NICN1: variants seen among roughly 807,000 people sequenced by gnomAD.
NICN1 encodes the protein nicolin 1, tubulin polyglutamylase complex subunit.
NICN1 carries 18 observed loss-of-function variants against 26.3 expected under a neutral mutation model. That is an observed-to-expected ratio of 0.68 (90% CI 0.47 to 1.01). The LOEUF is 1.01. Among genes scored for constraint, NICN1 ranks in the 50% least tolerant of loss-of-function variants. The pLI, the probability that NICN1 is intolerant of heterozygous loss-of-function variation, is 0.00. For missense variants in NICN1, 239 were observed against 278.3 expected (o/e 0.86, Z 1.00); for synonymous variants, 109 against 111.0 (o/e 0.98, Z 0.11).
At chr3:49,428,332 T>A (rs1287252650) in intron 1 of NICN1, among the ~76,000 whole-genome samples, 1 of 152,014 alleles carries the variant, frequency 6.6e-6, no homozygotes, top group Non-Finnish European at 1.5e-5. Flanking sequence ...GTCCAGTCAC[T>A]CTATCAACTG....
Position 49,424,819 on chromosome 3 carries a change from C to G in NICN1, c.*14G>C. Reference sequence around the variant, plus strand: ...GGGCACAGAAAGGCCAACATCTTGGCTAGGAGCAACCATTCAAGTGTAGGA... The same window carrying G: ...GGGCACAGAAAGGCCAACATCTTGGGTAGGAGCAACCATTCAAGTGTAGGA... On this transcript the variant is annotated 3_prime_UTR_variant, in exon 6 of 6. Transcript: ENST00000273598. 1 of 1,613,108 alleles carries G rather than the reference C, an allele frequency of 6.2e-7. No homozygotes were observed. The highest frequency in any genetic ancestry group is 8.5e-7 in the Non-Finnish European group (1 of 1,179,182).
intron 3 of NICN1, 112 bp from the exon 4 acceptor site, chr3:49,425,550 A>G: frequency 1.2e-6 from 1 of 858,326 alleles, no homozygotes; most frequent in Non-Finnish European, 1.8e-6. Flanking sequence ...ACACTGGGAA[A>G]ACCCTGTTTA....
At chr3:49,428,667 G>A (rs1292109686) in intron 1 of NICN1, among the ~76,000 whole-genome samples, 7 of 150,370 alleles carry the variant, frequency 4.7e-5, no homozygotes, top group Non-Finnish European at 1.0e-4. Flanking sequence ...GTTGCGGTGA[G>A]CCGAGATCGT....
chr3:49,429,278 G>A lies in NICN1; in HGVS notation c.-39C>T, dbSNP rs1293951275. 10 of 1,559,038 alleles carry A rather than the reference G, an allele frequency of 6.4e-6. No individual in the cohort carries two copies. Among genetic ancestry groups the A allele is most frequent in the Non-Finnish European group, 8.7e-6 (10 of 1,149,286 alleles). On this transcript the variant is annotated 5_prime_UTR_variant, in exon 1 of 6. Transcript: ENST00000273598. ...GCAACTAAGTGCAACCGCCGCTCTA[G>A]GCCCCCGACCACCAGCCCTTCCCGG...
chr3:49,425,784 T>C, intron 3 of NICN1, 99 bp downstream of exon 3: 1 of 639,952 alleles, frequency 1.6e-6, no homozygotes, highest in Non-Finnish European at 2.8e-6. Flanking sequence ...GAAGGCCCCA[T>C]TCACAATCTT....
At position 49,429,019 on chromosome 3, in the gene NICN1, C is replaced by T. The variant is rs1229036670; in HGVS notation, c.132+89G>A. ...GGGCAAGGAAGACGGCAGAGGCTTT[C>T]CCATAAAAGATTAAATGCCTGGGAA... On this transcript the variant is annotated intron_variant, in intron 1 of 5. Coordinates refer to ENST00000273598, the MANE Select transcript of NICN1 (RefSeq NM_032316.3). 5.5e-6 allele frequency: 7 copies of T among 1,278,316 alleles called. No individual in the cohort carries two copies. The South Asian group carries it at 5.7e-5, about 10-fold the overall frequency. 79.2% of individuals were successfully genotyped at this position (1,278,316 alleles called of 1,614,324 possible).
chr3:49,424,612 T>G lies in NICN1; in HGVS notation c.*221A>C, dbSNP rs1430405343. 1.3e-5 allele frequency: 8 copies of G among 606,076 alleles called. No individual in the cohort carries two copies. Among genetic ancestry groups the G allele is most frequent in the Non-Finnish European group, 2.3e-5 (8 of 341,072 alleles). The allele number at this position is 606,076 out of a possible 1,614,324, so 37.5% of individuals were successfully genotyped here. ...GAGTGTTTTTGGGTAGAAGGAAGAA[T>G]TGAGTTGCAGCCAGGCGAAGACAGA... On this transcript the variant is annotated 3_prime_UTR_variant, in exon 6 of 6. Coordinates refer to ENST00000273598, the MANE Select transcript of NICN1 (RefSeq NM_032316.3).
rs2049169419 is a variant in NICN1 at position 49,426,290 on chromosome 3, C to T, written c.271G>A (p.Glu91Lys). 1.2e-6 allele frequency: 2 copies of T among 1,614,236 alleles called. No homozygotes were observed. Among genetic ancestry groups the T allele is most frequent in the East Asian group, 4.5e-5 (2 of 44,890 alleles). Reference protein sequence around the residue: ...YCLMPDPHSEEGAQEYVSLFK... With the variant: ...YCLMPDPHSEKGAQEYVSLFK... ...AGCGATACATACTCCTGGGCTCCCT[C>T]CTCACTGTGTGGGTCAGGCATTAGG... The change falls in exon 2 of 6, where the codon GAG becomes AAG. Residue 91 changes from glutamate to lysine, a missense_variant. Transcript: ENST00000273598.
chr3:49,422,530 G>T lies in NICN1; in HGVS notation c.*2303C>A. ...GCCGGGAGATGTAGTCCAGGCCTCTGCTCGGACAGGTCTCTCTCCGGAGCA... is the reference window on the plus strand; with the variant it reads ...GCCGGGAGATGTAGTCCAGGCCTCTTCTCGGACAGGTCTCTCTCCGGAGCA... On this transcript the variant is annotated 3_prime_UTR_variant, in exon 6 of 6. Transcript: ENST00000273598. 1.4e-6 allele frequency: 2 copies of T among 1,424,452 alleles called. No homozygotes were observed. The highest frequency in any genetic ancestry group is 1.9e-5 in the Admixed American group (1 of 52,496). 88.2% of individuals were successfully genotyped at this position (1,424,452 alleles called of 1,614,324 possible).
chr3:49,428,823 G>A (rs548506266), intron 1 of NICN1, among the ~76,000 whole-genome samples: 33 of 151,904 alleles, frequency 2.2e-4, no homozygotes, highest in Non-Finnish European at 4.0e-4. Context: ...CTTCTATTTT[G>A]GTTCACTATT....
At chr3:49,425,163 T>C in intron 4 of NICN1, 110 bp from the exon 5 acceptor site, 1 of 912,606 alleles carries the variant, frequency 1.1e-6, no homozygotes, top group East Asian at 2.6e-5. Context: ...CCAACAACAT[T>C]CTCAGATGGC....
chr3:49,424,744 A>G lies in NICN1; in HGVS notation c.*89T>C, dbSNP rs2049156526. The G allele has an allele frequency of 1.5e-5, 16 of 1,047,502 alleles. No homozygotes were observed. In the East Asian group the frequency reaches 3.8e-4, roughly 25 times the overall value. 64.9% of individuals were successfully genotyped at this position (1,047,502 alleles called of 1,614,324 possible). On this transcript the variant is annotated 3_prime_UTR_variant, in exon 6 of 6. Transcript: ENST00000273598. ...AACAGGCATGCAGGCAACACTTGGA[A>G]TGCACAGGAAATACACTTCAGCCTC... is the stretch of plus-strand genomic sequence containing the variant.
At chr3:49,428,720 CAAA>C (rs1186104146) in intron 1 of NICN1, among the ~76,000 whole-genome samples, 6 of 60,520 alleles carry the variant, frequency 9.9e-5, no homozygotes, top group Non-Finnish European at 6.8e-5. Flanking sequence ...AACTCCGTCT[CAAA>C]AAAAAAAAAA....
chr3:49,425,087 C>G (rs760062864), intron 4 of NICN1, 34 bp from the exon 5 acceptor site: 1 of 1,568,708 alleles, frequency 6.4e-7, no homozygotes, highest in Non-Finnish European at 8.8e-7. Flanking sequence ...GGCCATGGGT[C>G]TCTCCCCAGC....
At chr3:49,427,644 GAAAAAAAA>G (rs58773326) in intron 1 of NICN1, among the ~76,000 whole-genome samples, 1 of 102,822 alleles carries the variant, frequency 9.7e-6, no homozygotes, top group African/African-American at 3.7e-5. Flanking sequence ...CTACCTCTCA[GAAAAAAAA>G]AAAAAAAAAA....
rs1340013284 is a variant in NICN1, at chr3:49,424,861, T to C, written c.614A>G (p.Tyr205Cys). 6.2e-7 allele frequency: 1 copy of C among 1,613,966 alleles called. No homozygotes were observed. Among genetic ancestry groups the C allele is most frequent in the Non-Finnish European group, 8.5e-7 (1 of 1,179,898 alleles). The stretch of plus-strand genomic sequence containing the variant: ...AGTGTAGGAGAGCAAGTTCAGGTCA[T>C]AACAGCCATCCACCTGAAATACAAA... ...RIGRFDVDGC[Y>C]DLNLLSYT The change falls in exon 6 of 6, where the codon TAT becomes TGT. Residue 205 changes from tyrosine (Y) to cysteine (C), a missense_variant. Physicochemically the swap from Tyr to Cys is radical, Grantham distance 194 (BLOSUM62 -2). Coordinates refer to ENST00000273598, the MANE Select transcript of NICN1 (RefSeq NM_032316.3).
Position 49,423,724 on chromosome 3 carries a change from C to T in NICN1, c.*1109G>A, listed in dbSNP as rs2049144907. On this transcript the variant is annotated 3_prime_UTR_variant, in exon 6 of 6. Coordinates refer to ENST00000273598, the MANE Select transcript of NICN1 (RefSeq NM_032316.3). ...TTAGCCAAGATTGCACTATTGCACTCCAGCCTGGGCAACAAGAGCAAAACT... is the reference window on the plus strand; with the variant it reads ...TTAGCCAAGATTGCACTATTGCACTTCAGCCTGGGCAACAAGAGCAAAACT... The T allele has an allele frequency of 6.6e-6, 1 of 152,168 alleles. No homozygotes were observed. The highest frequency in any genetic ancestry group is 2.4e-5 in the African/African-American group (1 of 41,416). The allele number at this position is 152,168 out of a possible 1,614,324, so 9.4% of individuals were successfully genotyped here.
chr3:49,428,080 C>T (rs1275783604), intron 1 of NICN1, among the ~76,000 whole-genome samples: 3 of 151,972 alleles, frequency 2.0e-5, no homozygotes, highest in African/African-American at 2.4e-5. Flanking sequence ...TTTAGCCGGG[C>T]GTGATGGTGG....
chr3:49,424,393 G>A lies in NICN1; in HGVS notation c.*440C>T, dbSNP rs928957991. 5.0e-5 allele frequency: 11 copies of A among 220,562 alleles called. No homozygotes were observed. Among genetic ancestry groups the A allele is most frequent in the Non-Finnish European group, 7.2e-5 (8 of 110,966 alleles). 13.7% of individuals were successfully genotyped at this position (220,562 alleles called of 1,614,324 possible). On this transcript the variant is annotated 3_prime_UTR_variant, in exon 6 of 6. Coordinates refer to ENST00000273598, the MANE Select transcript of NICN1 (RefSeq NM_032316.3). Reference sequence around the variant, plus strand: ...CTAGGGGACACACAGGAAGAAATAAGGTTTCTGTTTCTTCCTCAAGTGTCC... The same window carrying A: ...CTAGGGGACACACAGGAAGAAATAAAGTTTCTGTTTCTTCCTCAAGTGTCC...
Sources: gnomAD v4.1 joint callset for allele counts (sites outside exome capture counted in the v4.1 genomes callset) on GRCh38, gnomAD v4.1.1 for gene constraint, MANE v1.5 for transcripts, NCBI Gene and HGNC (gene_info 2026-07-23, HGNC 2026-07-21) for gene names.